NEURL4: variants seen among roughly 807,000 people sequenced by gnomAD.
NEURL4 encodes the protein neuralized E3 ubiquitin protein ligase 4.
NEURL4 carries 45 observed loss-of-function variants against 148.0 expected under a neutral mutation model. The ratio of observed to expected loss-of-function variants is 0.30; its 90% CI spans 0.24 to 0.39. The LOEUF (loss-of-function observed/expected upper bound fraction) is 0.39. NEURL4 is among the 10% of genes least tolerant of loss of function. The pLI, the probability that NEURL4 is intolerant of heterozygous loss-of-function variation, is 1.00. For synonymous variants in NEURL4, 854 were observed against 869.0 expected (o/e 0.98, Z 0.30); for missense variants, 1,776 against 2,144.0 (o/e 0.83, Z 3.39).
chr17:7,325,745 T>C, intron 6 of NEURL4, 32 bp from the exon 7 acceptor site: 2 of 1,564,560 alleles, frequency 1.3e-6, no homozygotes, highest in Admixed American at 1.7e-5. Context: ...TTTAGAGGAG[T>C]CCTGAGGCCT....
At position 7,323,048 on chromosome 17, in the gene NEURL4, A is replaced by ATCATG; in HGVS notation, c.2492_2493insCATGA (p.Ala832MetfsTer7). 1.2e-6 allele frequency: 2 copies of ATCATG among 1,613,778 alleles called. No individual in the cohort carries two copies. Among genetic ancestry groups the ATCATG allele is most frequent in the Non-Finnish European group, 1.7e-6 (2 of 1,179,978 alleles). On this transcript the variant is annotated frameshift_variant, in exon 15 of 29. Coordinates refer to ENST00000399464, the MANE Select transcript of NEURL4 (RefSeq NM_032442.3). LOFTEE classifies it high-confidence loss of function. ...CAGTTCGCATCATGCCAATGCGTGCACCTGTGCCCAGCGCATCCAGGTCAC... is the reference window on the plus strand; with the variant it reads ...CAGTTCGCATCATGCCAATGCGTGCATCATGCCTGTGCCCAGCGCATCCAGGTCAC...
chr17:7,318,404 C>G lies in NEURL4; in HGVS notation c.3865-48G>C. 1 of 1,609,902 alleles carries G rather than the reference C, an allele frequency of 6.2e-7. No homozygotes were observed. Among genetic ancestry groups the G allele is most frequent in the Non-Finnish European group, 8.5e-7 (1 of 1,176,376 alleles). Reference sequence around the variant, plus strand: ...ACAGAGCTTGGTCAGACCCCAGGGCCTGCTGATCCCTCCCTGGAACAGAGA... The same window carrying G: ...ACAGAGCTTGGTCAGACCCCAGGGCGTGCTGATCCCTCCCTGGAACAGAGA... On this transcript the variant is annotated intron_variant, in intron 23 of 28. Transcript: ENST00000399464. The surrounding 1 kb of genome is among the most constrained non-coding windows in gnomAD (Gnocchi z 4.3).
At chr17:7,325,145 G>GGGGGGGGGGGGGCC in intron 8 of NEURL4, 64 bp downstream of exon 8, 2 of 830,664 alleles carry the variant, frequency 2.4e-6, no homozygotes, top group Non-Finnish European at 3.6e-6. Flanking sequence ...CCACTTCCTT[G>GGGGGGGGGGGGGCC]CCCCGCCCCC....
chr17:7,325,786 T>A (rs1716035081), intron 6 of NEURL4, 73 bp from the exon 7 acceptor site: 3 of 1,235,712 alleles, frequency 2.4e-6, no homozygotes, highest in Admixed American at 3.4e-5. Context: ...CAGGAACAAC[T>A]CCAGAAGGTA....
At position 7,318,913 on chromosome 17, in the gene NEURL4, G is replaced by A. The variant is rs914350889; in HGVS notation, c.3684+137C>T. 7.0e-6 allele frequency: 7 copies of A among 1,003,748 alleles called. No individual in the cohort carries two copies. Among genetic ancestry groups the A allele is most frequent in the African/African-American group, 6.5e-5 (4 of 61,710 alleles). The allele number at this position is 1,003,748 out of a possible 1,614,324, so 62.2% of individuals were successfully genotyped here. Reference sequence around the variant, plus strand: ...TAAGACTGACCAGGCAATGCTACTCGCCCTTGCCTGCCCATTACTGTTCCC... The same window carrying A: ...TAAGACTGACCAGGCAATGCTACTCACCCTTGCCTGCCCATTACTGTTCCC... On this transcript the variant is annotated intron_variant, in intron 22 of 28. Coordinates refer to ENST00000399464, the MANE Select transcript of NEURL4 (RefSeq NM_032442.3). This position sits in a 1 kb window ranked among gnomAD's most constrained non-coding sequence, Gnocchi z 4.3.
At chr17:7,316,451 G>C in intron 28 of NEURL4, 124 bp from the exon 29 acceptor site, 1 of 719,960 alleles carries the variant, frequency 1.4e-6, no homozygotes. Flanking sequence ...TGGGAACTTC[G>C]CTCTAGCTGT....
In NEURL4 at chr17:7,324,232, C is replaced by A; in HGVS notation, c.1938G>T (p.Gly646=). Residue 646 remains glycine (G), a synonymous_variant, in exon 11 of 29, where the codon GGG becomes GGT. Coordinates refer to ENST00000399464, the MANE Select transcript of NEURL4 (RefSeq NM_032442.3). This position sits in a 1 kb window ranked among gnomAD's most constrained non-coding sequence, Gnocchi z 5.9. ...TCCCATTGACAAAGAAGTGGAGAGT[C>A]CCGTCCTCCCGCCGTACCACGCCCA... is the stretch of plus-strand genomic sequence containing the variant. ...DTVGVVRRED[G]TLHFFVNGMT... is the part of the protein sequence containing the mutation. 6.2e-7 allele frequency: 1 copy of A among 1,612,946 alleles called. No homozygotes were observed. Among genetic ancestry groups the A allele is most frequent in the Middle Eastern group, 1.6e-4 (1 of 6,062 alleles).
chr17:7,321,657 A>G lies in NEURL4; in HGVS notation c.3002T>C (p.Leu1001Pro). Residue 1001 changes from leucine (L) to proline (P), a missense_variant, in exon 18 of 29, where the codon CTC (leucine) becomes CCC (proline). Leu to Pro is a moderately conservative substitution (Grantham distance 98). Transcript: ENST00000399464. The surrounding 1 kb of genome is among the most constrained non-coding windows in gnomAD (Gnocchi z 6.3). Reference sequence around the variant, plus strand: ...TACCATCCAAGTGGTCTTCGTCCGGAGCTCTGGCAGGGAAGGAGGCAGCCC... The same window carrying G: ...TACCATCCAAGTGGTCTTCGTCCGGGGCTCTGGCAGGGAAGGAGGCAGCCC... ...GPGLPPSLPE[L>P]RTKTTWMVSS... 6 of 1,613,748 alleles carry G rather than the reference A, an allele frequency of 3.7e-6. No homozygotes were observed. Among genetic ancestry groups the G allele is most frequent in the Non-Finnish European group, 5.1e-6 (6 of 1,180,000 alleles).
chr17:7,329,044 C>A lies in NEURL4; in HGVS notation c.269G>T (p.Arg90Leu), dbSNP rs763939883. ...CCAGCGCTGCACCTTGCGGTCGATG[C>A]GGACGGTGAAGACGCGTCCATCGCG... ...PLRDGRVFTV[R>L]IDRKVNSWSG... Residue 90 changes from arginine (R) to leucine (L), a missense_variant, in exon 1 of 29, where the codon CGC becomes CTC. Physicochemically the swap from Arg to Leu is moderately radical, Grantham distance 102 (BLOSUM62 -2). Transcript: ENST00000399464. 1.3e-6 allele frequency: 2 copies of A among 1,580,414 alleles called. No individual in the cohort carries two copies. Among genetic ancestry groups the A allele is most frequent in the Non-Finnish European group, 1.7e-6 (2 of 1,161,240 alleles).
Position 7,322,216 on chromosome 17 carries a change from G to A in NEURL4, c.2726-206C>T, listed in dbSNP as rs2073043516. Among the ~76,000 whole-genome samples the A allele has an allele frequency of 6.6e-6, 1 of 152,094 alleles. No individual in the cohort carries two copies. Among genetic ancestry groups the A allele is most frequent in the Non-Finnish European group, 1.5e-5 (1 of 68,016 alleles). ...TCTGTCACTCAGGCTGGAGTGCAGG[G>A]GCACAGTCGTGGCTCACTGCAGCCT... On this transcript the variant is annotated intron_variant, in intron 16 of 28. Coordinates refer to ENST00000399464, the MANE Select transcript of NEURL4 (RefSeq NM_032442.3). This position sits in a 1 kb window ranked among gnomAD's most constrained non-coding sequence, Gnocchi z 5.5.
At position 7,327,259 on chromosome 17, in the gene NEURL4, T is replaced by C; in HGVS notation, c.728-29A>G. 6.3e-7 allele frequency: 1 copy of C among 1,588,316 alleles called. No individual in the cohort carries two copies. Among genetic ancestry groups the C allele is most frequent in the South Asian group, 1.1e-5 (1 of 88,344 alleles). On this transcript the variant is annotated intron_variant, in intron 2 of 28. Transcript: ENST00000399464. The surrounding 1 kb of genome is among the most constrained non-coding windows in gnomAD (Gnocchi z 6.6). ...GGGACCAGGTGGGATGGGAGGGGAA[T>C]AAGGGTTCAGTCCCTGCTTCACGGC...
At chr17:7,323,612 T>TCCAAC (rs758983408) in intron 13 of NEURL4, 35 bp downstream of exon 13, 1 of 1,613,778 alleles carries the variant, frequency 6.2e-7, no homozygotes, top group South Asian at 1.1e-5. Context: ...GGCACAGACA[T>TCCAAC]CCAACAGCCC....
rs2073082388 is a variant in NEURL4, at chr17:7,324,976, T to C, written c.1636A>G (p.Thr546Ala). ...EGRTALRPHA[T>A]DDFNHGVVLS... ...ACCACGCCGTGATTGAAGTCATCGG[T>C]GGCACTGAGGGCACAGCAAGTGGAG... Residue 546 changes from threonine to alanine, a missense_variant, in exon 9 of 29, where the codon ACC becomes GCC. Transcript: ENST00000399464. This position sits in a 1 kb window ranked among gnomAD's most constrained non-coding sequence, Gnocchi z 5.9. 6.2e-7 allele frequency: 1 copy of C among 1,613,844 alleles called. No homozygotes were observed. Among genetic ancestry groups the C allele is most frequent in the South Asian group, 1.1e-5 (1 of 91,082 alleles).
rs753786616 is a variant in NEURL4, at chr17:7,321,326, A to G, written c.3198+35T>C. On this transcript the variant is annotated intron_variant, in intron 19 of 28. Transcript: ENST00000399464. The surrounding 1 kb of genome is among the most constrained non-coding windows in gnomAD (Gnocchi z 6.3). ...CAGAGATCAGCAGAAGACCTCAACC[A>G]TCCTCCCAGAACCCAAGGAAGCGTT... is the stretch of plus-strand genomic sequence containing the variant. The G allele has an allele frequency of 1.2e-6, 2 of 1,613,636 alleles. No homozygotes were observed. Among genetic ancestry groups the G allele is most frequent in the African/African-American group, 1.3e-5 (1 of 74,956 alleles).
Position 7,321,901 on chromosome 17 carries a change from G to A in NEURL4, c.2835C>T (p.Phe945=), listed in dbSNP as rs1290207721. The stretch of plus-strand genomic sequence containing the variant: ...CCTCAGCCCTCAGCTCCTTGGTACT[G>A]AAGACAAGGCCATGAGCATAGCCAG... ...RAAGYAHGLV[F]STKELRAEEV... Residue 945 remains phenylalanine (F), a synonymous_variant, in exon 17 of 29, where the codon TTC becomes TTT. Coordinates refer to ENST00000399464, the MANE Select transcript of NEURL4 (RefSeq NM_032442.3). The surrounding 1 kb of genome is among the most constrained non-coding windows in gnomAD (Gnocchi z 6.3). 2 of 1,614,028 alleles carry A rather than the reference G, an allele frequency of 1.2e-6. No individual in the cohort carries two copies. The highest frequency in any genetic ancestry group is 1.7e-6 in the Non-Finnish European group (2 of 1,180,006).
Position 7,317,769 on chromosome 17 carries a change from T to C in NEURL4, c.4205+19A>G. The C allele has an allele frequency of 6.2e-7, 1 of 1,611,626 alleles. No individual in the cohort carries two copies. ...GGGGGAAAACAGTAGGGGAAAGGCA[T>C]GACCTTGCCCATATGTACCTGAGGT... On this transcript the variant is annotated intron_variant, in intron 26 of 28. Coordinates refer to ENST00000399464, the MANE Select transcript of NEURL4 (RefSeq NM_032442.3).
chr17:7,328,523 C>A (rs192996725), intron 1 of NEURL4, among the ~76,000 whole-genome samples: 2 of 152,364 alleles, frequency 1.3e-5, no homozygotes, highest in African/African-American at 2.4e-5. Flanking sequence ...CCTGCCTCAG[C>A]CTCCAGAGTA....
At chr17:7,325,144 T>TGGGGGGGGGGGGGGGGC in intron 8 of NEURL4, 65 bp downstream of exon 8, 2 of 956,488 alleles carry the variant, frequency 2.1e-6, no homozygotes, top group Non-Finnish European at 3.1e-6. Context: ...TCCACTTCCT[T>TGGGGGGGGGGGGGGGGC]GCCCCGCCCC....
chr17:7,318,206 T>G lies in NEURL4; in HGVS notation c.3953-34A>C, dbSNP rs2072977402. Reference sequence around the variant, plus strand: ...GCAGAGGGGCACAGGTCACAGGAGCTGGGCTAGAAGGGTGAGGGTGGGGGA... The same window carrying G: ...GCAGAGGGGCACAGGTCACAGGAGCGGGGCTAGAAGGGTGAGGGTGGGGGA... On this transcript the variant is annotated intron_variant, in intron 24 of 28. Transcript: ENST00000399464. The surrounding 1 kb of genome is among the most constrained non-coding windows in gnomAD (Gnocchi z 4.3). The G allele has an allele frequency of 6.2e-7, 1 of 1,612,540 alleles. No individual in the cohort carries two copies. The highest frequency in any genetic ancestry group is 8.5e-7 in the Non-Finnish European group (1 of 1,178,606).
Sources: gnomAD v4.1 joint callset for allele counts (sites outside exome capture counted in the v4.1 genomes callset) on GRCh38, gnomAD v4.1.1 for gene constraint, Gnocchi (gnomAD v3.1) non-coding constraint, MANE v1.5 for transcripts, NCBI Gene and HGNC (gene_info 2026-07-23, HGNC 2026-07-21) for gene names.